Variants in GLG1 observed in about 807,000 individuals in gnomAD.
GLG1 encodes golgi glycoprotein 1, also known as Golgi apparatus protein 1.
GLG1 carries 38 observed loss-of-function variants against 160.5 expected under a neutral mutation model. The observed-to-expected ratio is 0.24, with a 90% CI of 0.18 to 0.31. GLG1 has a LOEUF of 0.31. Ranked by LOEUF, GLG1 falls within the 10% of genes least tolerant of loss-of-function variation. The pLI is 1.00. For missense variants in GLG1, 1,373 were observed against 1,505.2 expected (o/e 0.91, Z 1.45); for synonymous variants, 644 against 543.4 (o/e 1.19, Z -2.57).
At chr16:74,576,387 A>C (rs1048790763) in intron 1 of GLG1, among the ~76,000 whole-genome samples, 3 of 152,220 alleles carry the variant, frequency 2.0e-5, no homozygotes, top group African/African-American at 7.2e-5. Flanking sequence ...ATTTGGATGG[A>C]TCATAGACCA....
At chr16:74,540,049 A>T (rs867092900) in intron 1 of GLG1, among the ~76,000 whole-genome samples, 2 of 2,576 alleles carry the variant, frequency 7.8e-4, no homozygotes, top group South Asian at 0.017. Flanking sequence ...TATATATATT[A>T]TATATATTTT....
intron 1 of GLG1, among the ~76,000 whole-genome samples, chr16:74,564,783 T>C (rs1012883307): frequency 4.6e-5 from 7 of 152,222 alleles, no homozygotes; most frequent in African/African-American, 1.7e-4. Flanking sequence ...AAGTCACTCA[T>C]GCTAAATGCA....
At chr16:74,515,444 G>C (rs1355537881) in intron 2 of GLG1, among the ~76,000 whole-genome samples, 2 of 152,136 alleles carry the variant, frequency 1.3e-5, no homozygotes, top group Non-Finnish European at 2.9e-5. Flanking sequence ...ACAACAAACT[G>C]TCTCTCAGAC....
intron 1 of GLG1, among the ~76,000 whole-genome samples, chr16:74,575,849 A>T (rs973226537): frequency 6.6e-6 from 1 of 152,178 alleles, no homozygotes; most frequent in Non-Finnish European, 1.5e-5. Flanking sequence ...GAAACCATAT[A>T]CAACCAACAG....
chr16:74,494,122 C>A (rs1426484690), intron 6 of GLG1, among the ~76,000 whole-genome samples: 1 of 151,686 alleles, frequency 6.6e-6, no homozygotes, highest in African/African-American at 2.4e-5. Context: ...CTACAGTGAG[C>A]CGAATCATGC....
intron 1 of GLG1, among the ~76,000 whole-genome samples, chr16:74,558,457 C>T (rs745795993): frequency 6.6e-6 from 1 of 152,050 alleles, no homozygotes; most frequent in Non-Finnish European, 1.5e-5. Context: ...GAAGATTATA[C>T]CAAAAAGGTT....
chr16:74,537,245 T>TG (rs1297745296), intron 1 of GLG1, among the ~76,000 whole-genome samples: 4 of 152,112 alleles, frequency 2.6e-5, no homozygotes, highest in African/African-American at 9.7e-5. Context: ...ACTTGGGTAA[T>TG]GCTGTATAAA....
In GLG1 at chr16:74,452,290, A is replaced by G. The variant is rs2014344700; in HGVS notation, c.*877T>C. ...TAGCCTCAGCAGGGCCGGTCCAGAC[A>G]TGGCTGAGTCCTGTGCTGCCCTGGA... On this transcript the variant is annotated 3_prime_UTR_variant, in exon 26 of 26. Coordinates refer to ENST00000422840, the MANE Select transcript of GLG1 (RefSeq NM_001145667.2). The G allele has an allele frequency of 2.1e-6, 3 of 1,455,844 alleles. No homozygotes were observed. Among genetic ancestry groups the G allele is most frequent in the African/African-American group, 1.4e-5 (1 of 70,730 alleles). The allele number at this position is 1,455,844 out of a possible 1,614,324, so 90.2% of individuals were successfully genotyped here.
At chr16:74,500,747 T>G (rs1321393728) in intron 4 of GLG1, among the ~76,000 whole-genome samples, 2 of 152,190 alleles carry the variant, frequency 1.3e-5, no homozygotes, top group African/African-American at 4.8e-5. Context: ...TGTCCGCAAT[T>G]AAGTTCCTTT....
Position 74,453,180 on chromosome 16 carries a change from A to T in GLG1, c.3527T>A (p.Leu1176His). 6.2e-7 allele frequency: 1 copy of T among 1,614,014 alleles called. No individual in the cohort carries two copies. Among genetic ancestry groups the T allele is most frequent in the Non-Finnish European group, 8.5e-7 (1 of 1,179,942 alleles). ...GRITKRVTRE[L>H]KDR is the part of the protein sequence containing the mutation. ...GTCAAGGTGGCTCTACCTGTCCTTG[A>T]GCTCTCGTGTCACTCGCTTGGTGAT... Residue 1176 changes from leucine (L) to histidine (H), a missense_variant, in exon 26 of 26, where the codon CTC (leucine) becomes CAC (histidine). Leu to His is a moderately conservative substitution (Grantham distance 99). Transcript: ENST00000422840.
intron 2 of GLG1, among the ~76,000 whole-genome samples, chr16:74,511,600 AAAGAAAGAAAG>A: frequency 1.4e-5 from 2 of 143,596 alleles, no homozygotes; most frequent in Admixed American, 6.8e-5. Context: ...AAAAAAAAAA[AAAGAAAGAAAG>A]AAAGAAAGAA....
At chr16:74,506,705 T>C (rs2016626407) in intron 3 of GLG1, among the ~76,000 whole-genome samples, 1 of 151,662 alleles carries the variant, frequency 6.6e-6, no homozygotes. Flanking sequence ...AACAGAGATG[T>C]GGCACCTACT....
intron 1 of GLG1, among the ~76,000 whole-genome samples, chr16:74,542,751 A>G (rs111741195): frequency 1.3e-3 from 34 of 27,066 alleles, no homozygotes; most frequent in African/African-American, 2.2e-3. Flanking sequence ...GGAAGGAAGG[A>G]AGGAAGGAAG....
At chr16:74,578,640 T>C (rs1957867369) in intron 1 of GLG1, among the ~76,000 whole-genome samples, 1 of 152,156 alleles carries the variant, frequency 6.6e-6, no homozygotes, top group Admixed American at 6.5e-5. Context: ...TTACTTGGTT[T>C]AAAGGGAGAC....
At chr16:74,506,581 C>G (rs1352045613) in intron 3 of GLG1, among the ~76,000 whole-genome samples, 1 of 39,048 alleles carries the variant, frequency 2.6e-5, no homozygotes, top group African/African-American at 1.1e-4. Flanking sequence ...GACTCCGTCT[C>G]AAAAAAAAAA....
At chr16:74,499,341 A>C (rs2016325131) in intron 4 of GLG1, among the ~76,000 whole-genome samples, 1 of 152,188 alleles carries the variant, frequency 6.6e-6, no homozygotes, top group Non-Finnish European at 1.5e-5. Flanking sequence ...CCTGGGCTCA[A>C]GTGATTCTCC....
intron 1 of GLG1, among the ~76,000 whole-genome samples, chr16:74,555,478 G>A (rs1279774932): frequency 1.3e-5 from 2 of 152,064 alleles, no homozygotes; most frequent in Non-Finnish European, 2.9e-5. Context: ...CTTGAGCCCA[G>A]GAGTTCAAGA....
In GLG1 at chr16:74,453,186, C is replaced by G; in HGVS notation, c.3521G>C (p.Arg1174Pro). 1 of 1,613,970 alleles carries G rather than the reference C, an allele frequency of 6.2e-7. No homozygotes were observed. The highest frequency in any genetic ancestry group is 1.7e-5 in the Admixed American group (1 of 59,988). ...GTGGCTCTACCTGTCCTTGAGCTCT[C>G]GTGTCACTCGCTTGGTGATCCGTCC... ...MCGRITKRVTRELKDR is the reference protein window; with the variant it reads ...MCGRITKRVTPELKDR Residue 1174 changes from arginine (R) to proline (P), a missense_variant, in exon 26 of 26, where the codon CGA becomes CCA. This residue lies in a region of GLG1 where 491 missense variants were observed against 632.1 expected (regional missense o/e 0.78). Transcript: ENST00000422840.
chr16:74,462,344 A>G, intron 21 of GLG1, 144 bp downstream of exon 21: 1 of 835,840 alleles, frequency 1.2e-6, no homozygotes, highest in African/African-American at 1.7e-5. Context: ...CCTGCTTTTG[A>G]TCTGGCCCCT....
Sources: allele counts gnomAD v4.1 joint callset (sites outside exome capture counted in the v4.1 genomes callset), GRCh38; gene constraint gnomAD v4.1.1; regional missense constraint gnomAD v4.1.1; transcripts MANE v1.5; gene names NCBI Gene and HGNC (gene_info 2026-07-23, HGNC 2026-07-21).